FBXO11: variants seen among roughly 807,000 people sequenced by gnomAD.
FBXO11 encodes the protein F-box protein 11.
A neutral mutation model predicts 117.0 loss-of-function variants in FBXO11; 13 were observed. That is an observed-to-expected ratio of 0.11 (90% CI 0.07 to 0.18). The LOEUF (loss-of-function observed/expected upper bound fraction) is 0.18, where lower values mean the gene tolerates loss of function less well. Among genes scored for constraint, FBXO11 ranks in the 10% least tolerant of loss-of-function variants. The pLI is 1.00. For synonymous variants in FBXO11, 490 were observed against 380.5 expected, an observed-to-expected ratio of 1.29 and a Z score of -3.35; for missense variants, 767 against 1,164.4, an observed-to-expected ratio of 0.66 and a Z score of 4.97.
intron 5 of FBXO11, among the ~76,000 whole-genome samples, chr2:47,835,301 T>C (rs1572811755): frequency 6.6e-6 from 1 of 151,758 alleles, no homozygotes; most frequent in African/African-American, 2.4e-5. Flanking sequence ...GTATAACAAT[T>C]AAGCTAAATG....
chr2:47,821,367 T>A (rs192853565), intron 13 of FBXO11, among the ~76,000 whole-genome samples: 3,169 of 152,142 alleles, frequency 0.021, 38 homozygotes, highest in Non-Finnish European at 0.033. Flanking sequence ...TCCCAGCACT[T>A]TGGGAGACCG....
At chr2:47,828,820 G>A (rs753949970) in intron 11 of FBXO11, among the ~76,000 whole-genome samples, 3 of 152,194 alleles carry the variant, frequency 2.0e-5, no homozygotes, top group African/African-American at 4.8e-5. Flanking sequence ...TCAATGAAGT[G>A]TAGTTGTCCC....
chr2:47,878,705 C>T (rs1350992295), intron 1 of FBXO11, among the ~76,000 whole-genome samples: 2 of 150,292 alleles, frequency 1.3e-5, no homozygotes, highest in Non-Finnish European at 3.0e-5. Context: ...CAGCCAGGTG[C>T]GGTGGCTCAT....
At chr2:47,879,703 T>A (rs1027329482) in intron 1 of FBXO11, among the ~76,000 whole-genome samples, 1 of 152,222 alleles carries the variant, frequency 6.6e-6, no homozygotes, top group Admixed American at 6.5e-5. Context: ...TAACTGTAAA[T>A]AAGTTTTGGC....
rs1264093904 is a variant in FBXO11, at chr2:47,905,859, A to AG, written c.-140dup. The AG allele has an allele frequency of 2.1e-5, 3 of 141,388 alleles. No homozygotes were observed. The highest frequency in any genetic ancestry group is 4.7e-5 in the African/African-American group (1 of 21,244). 8.8% of individuals were successfully genotyped at this position (141,388 alleles called of 1,614,324 possible). A position where few individuals can be genotyped will look rare whatever the true frequency, so the allele number is the denominator to read the frequency against. ...GGGGCGAGGGGAAGGGGAGACGCTG[A>AG]GGGCGGAGGGGGCGAGCGGGACCCC... On this transcript the variant is annotated 5_prime_UTR_variant, in exon 1 of 23. Transcript: ENST00000403359.
chr2:47,850,918 C>T lies in FBXO11; in HGVS notation c.233-11149G>A, dbSNP rs36105454. Reference sequence around the variant, plus strand: ...TCATATTTGTTCCCCTAGTTTTTCACGTTCAATATTTCCTAAGAGTCAAAA... The same window carrying T: ...TCATATTTGTTCCCCTAGTTTTTCATGTTCAATATTTCCTAAGAGTCAAAA... On this transcript the variant is annotated intron_variant, in intron 1 of 22. Transcript: ENST00000403359. Among the ~76,000 whole-genome samples the T allele has an allele frequency of 5.8e-3, 878 of 152,230 alleles. 5 individuals are homozygous for T. Among genetic ancestry groups the T allele is most frequent in the Non-Finnish European group, 7.4e-3 (503 of 68,006 alleles).
At chr2:47,893,794 A>T (rs1457452986) in intron 1 of FBXO11, among the ~76,000 whole-genome samples, 1 of 152,214 alleles carries the variant, frequency 6.6e-6, no homozygotes, top group Non-Finnish European at 1.5e-5. Flanking sequence ...GAAAAAGGGA[A>T]GACACAAATG....
chr2:47,821,406 C>T (rs559574785), intron 13 of FBXO11, among the ~76,000 whole-genome samples: 1 of 152,130 alleles, frequency 6.6e-6, no homozygotes, highest in African/African-American at 2.4e-5. Context: ...GTCAGGAGAT[C>T]GAGACCATCC....
Position 47,821,365 on chromosome 2 carries a change from C to T in FBXO11, c.1702+853G>A, listed in dbSNP as rs187699100. ...GTGGCTCACACCTGTAATCCCAGCACTTTGGGAGACCGAGGCAGGCAGATC... is the reference window on the plus strand; with the variant it reads ...GTGGCTCACACCTGTAATCCCAGCATTTTGGGAGACCGAGGCAGGCAGATC... On this transcript the variant is annotated intron_variant, in intron 13 of 22. Coordinates refer to ENST00000403359, the MANE Select transcript of FBXO11 (RefSeq NM_001190274.2). 3.5e-4 allele frequency among the ~76,000 whole-genome samples: 54 copies of T among 152,186 alleles called. No homozygotes were observed. In the East Asian group the frequency reaches 9.1e-3, roughly 26 times the overall value.
chr2:47,899,526 T>C (rs962574570), intron 1 of FBXO11, among the ~76,000 whole-genome samples: 3 of 152,210 alleles, frequency 2.0e-5, no homozygotes, highest in Admixed American at 1.3e-4. Context: ...GATCACAAAG[T>C]AAGGCTCAGA....
Position 47,807,968 on chromosome 2 carries a change from G to C in FBXO11, c.*150C>G, listed in dbSNP as rs1572753265. ...ATATATTGCCACTTTCTTTTTGGTA[G>C]CTTGAGCTTCATAGTGTCAACTGAC... On this transcript the variant is annotated 3_prime_UTR_variant, in exon 23 of 23. Coordinates refer to ENST00000403359, the MANE Select transcript of FBXO11 (RefSeq NM_001190274.2). The C allele has an allele frequency of 2.9e-6, 2 of 698,060 alleles. No individual in the cohort carries two copies. The highest frequency in any genetic ancestry group is 2.4e-6 in the Non-Finnish European group (1 of 420,398). The allele number at this position is 698,060 out of a possible 1,614,324, so 43.2% of individuals were successfully genotyped here. A position where few individuals can be genotyped will look rare whatever the true frequency, so the allele number is the denominator to read the frequency against.
chr2:47,887,894 T>C (rs1398100491), intron 1 of FBXO11, among the ~76,000 whole-genome samples: 3 of 152,172 alleles, frequency 2.0e-5, no homozygotes, highest in Admixed American at 1.3e-4. Flanking sequence ...GACACACCTG[T>C]AGTCCTAGCT....
At chr2:47,827,762 T>C (rs1297308739) in intron 11 of FBXO11, among the ~76,000 whole-genome samples, 1 of 151,910 alleles carries the variant, frequency 6.6e-6, no homozygotes, top group African/African-American at 2.4e-5. Context: ...AGTGGTATGA[T>C]CTTGGTTCAT....
Position 47,808,099 on chromosome 2 carries a change from T to G in FBXO11, c.*19A>C, listed in dbSNP as rs1450725709. The G allele has an allele frequency of 6.3e-7, 1 of 1,593,010 alleles. No individual in the cohort carries two copies. The highest frequency in any genetic ancestry group is 8.5e-7 in the Non-Finnish European group (1 of 1,172,280). ...GTTATGATGTTACAATGGCAGGACTTTTTCTTTAGGGAAGGAATTCAGTTG... is the reference window on the plus strand; with the variant it reads ...GTTATGATGTTACAATGGCAGGACTGTTTCTTTAGGGAAGGAATTCAGTTG... On this transcript the variant is annotated 3_prime_UTR_variant, in exon 23 of 23. Transcript: ENST00000403359.
Position 47,838,972 on chromosome 2 carries a change from T to C in FBXO11, c.474A>G (p.Lys158=), listed in dbSNP as rs772926086. ...AAPAEQYLQE[K]LPDEVVLKIF... is the part of the protein sequence containing the mutation. ...TTTTTAGAACCACTTCATCTGGCAG[T>C]TTCTCCTGAAGATACTGTTCAGCAG... The change falls in exon 4 of 23, where the codon AAA becomes AAG. Residue 158 remains lysine (K), a synonymous_variant. Coordinates refer to ENST00000403359, the MANE Select transcript of FBXO11 (RefSeq NM_001190274.2). The C allele has an allele frequency of 9.9e-6, 16 of 1,613,926 alleles. No homozygotes were observed. In the Middle Eastern group the frequency reaches 1.3e-3, roughly 133 times the overall value.
chr2:47,852,800 A>G (rs1274336331), intron 1 of FBXO11, among the ~76,000 whole-genome samples: 1 of 152,196 alleles, frequency 6.6e-6, no homozygotes, highest in African/African-American at 2.4e-5. Context: ...GAATCCTTGC[A>G]TCAACTTCAT....
rs142541866 is a variant in FBXO11, at chr2:47,893,048, C to T, written c.232+12441G>A. On this transcript the variant is annotated intron_variant, in intron 1 of 22. Coordinates refer to ENST00000403359, the MANE Select transcript of FBXO11 (RefSeq NM_001190274.2). ...CACGTGCCTGTAATCCCAGCTAATCCGGAGGCTGAGGCACAAGAACTGCTT... is the reference window on the plus strand; with the variant it reads ...CACGTGCCTGTAATCCCAGCTAATCTGGAGGCTGAGGCACAAGAACTGCTT... Among the ~76,000 whole-genome samples the T allele has an allele frequency of 5.9e-5, 9 of 151,836 alleles. No individual in the cohort carries two copies. The South Asian group carries it at 6.2e-4, about 11-fold the overall frequency.
At chr2:47,841,889 T>G (rs1248217596) in intron 1 of FBXO11, among the ~76,000 whole-genome samples, 1 of 151,928 alleles carries the variant, frequency 6.6e-6, no homozygotes, top group Non-Finnish European at 1.5e-5. Flanking sequence ...TCCCCCCACC[T>G]CGGCCTCCCA....
intron 17 of FBXO11, 41 bp from the exon 18 acceptor site, chr2:47,813,418 C>CTTAATTTTTTTT (rs1670760613): frequency 1.9e-6 from 1 of 530,164 alleles, no homozygotes; most frequent in African/African-American, 4.6e-5. Context: ...AGGTATATTT[C>CTTAATTTTTTTT]TTTTTAATTT....
Sources: allele counts gnomAD v4.1 joint callset (sites outside exome capture counted in the v4.1 genomes callset), GRCh38; gene constraint gnomAD v4.1.1; transcripts MANE v1.5; gene names NCBI Gene and HGNC (gene_info 2026-07-23, HGNC 2026-07-21).